The following BCAS3 variants were observed in gnomAD, a reference collection of about 807,000 sequenced individuals.
BCAS3 encodes BCAS4/BCAS3 fusion.
BCAS3 carries 53 observed loss-of-function variants against 116.1 expected under a neutral mutation model. The ratio of observed to expected loss-of-function variants is 0.46; its 90% confidence interval spans 0.37 to 0.57. The LOEUF (loss-of-function observed/expected upper bound fraction) is 0.57, where lower values mean the gene tolerates loss of function less well. BCAS3 is among the 20% of genes least tolerant of loss of function. The probability of loss-of-function intolerance (pLI) is 0.00; values close to 1 mark genes in which losing one functional copy is unlikely to be tolerated. For synonymous variants in BCAS3, 391 were observed against 408.2 expected, an observed-to-expected ratio of 0.96 and a Z score of 0.51; for missense variants, 917 against 1,165.4, an observed-to-expected ratio of 0.79 and a Z score of 3.10.
At chr17:60,843,692 G>T (rs1359229153) in intron 7 of BCAS3, among the ~76,000 whole-genome samples, 1 of 152,154 alleles carries the variant, frequency 6.6e-6, no homozygotes, top group East Asian at 1.9e-4. Flanking sequence ...AAGAAACAAG[G>T]ACTCCCAGGT....
intron 12 of BCAS3, among the ~76,000 whole-genome samples, chr17:60,918,691 ATT>A (rs1161722822): frequency 3.7e-4 from 47 of 127,730 alleles, no homozygotes; most frequent in African/African-American, 1.1e-3. Flanking sequence ...AAGCTTCTCA[ATT>A]TTTTTTTTTT....
intron 22 of BCAS3, among the ~76,000 whole-genome samples, chr17:61,193,698 T>G (rs542502060): frequency 2.3e-5 from 3 of 128,646 alleles, no homozygotes; most frequent in Admixed American, 1.9e-4. Flanking sequence ...TGGAGGTTGC[T>G]GTGAGCCGAG....
chr17:60,704,607 G>A (rs539509972), intron 4 of BCAS3, among the ~76,000 whole-genome samples: 1 of 151,976 alleles, frequency 6.6e-6, no homozygotes, highest in Non-Finnish European at 1.5e-5. Context: ...TTGGGGGGCC[G>A]AGGTGGGTGG....
rs570870063 is a variant in BCAS3, at chr17:61,142,160, T to TC, written c.2425+57596_2425+57597insC. ...ATGTACTGTATATACCTTATCTCAT[T>TC]AATCTTGTTGACAATCTGCTAGGTA... On this transcript the variant is annotated intron_variant, in intron 22 of 23. Transcript: ENST00000407086. Among the ~76,000 whole-genome samples, 483 of 152,320 alleles carry TC rather than the reference T, an allele frequency of 3.2e-3. 3 individuals carry two copies. Among genetic ancestry groups the TC allele is most frequent in the African/African-American group, 0.011 (466 of 41,566 alleles).
At chr17:61,121,875 G>A (rs187761771) in intron 22 of BCAS3, among the ~76,000 whole-genome samples, 69 of 152,176 alleles carry the variant, frequency 4.5e-4, no homozygotes, top group Admixed American at 9.8e-4. Context: ...GATTACAGGC[G>A]CCTGCCACCA....
In BCAS3 at chr17:61,251,967, A is replaced by C. The variant is rs908891775; in HGVS notation, c.2426-116360A>C. Among the ~76,000 whole-genome samples the C allele has an allele frequency of 4.2e-5, 6 of 144,006 alleles. No homozygotes were observed. The highest frequency in any genetic ancestry group is 6.8e-5 in the Admixed American group (1 of 14,730). 94.5% of individuals were successfully genotyped at this position (144,006 alleles called of 152,430 possible). On this transcript the variant is annotated intron_variant, in intron 22 of 23. Transcript: ENST00000407086. This position sits in a 1 kb window ranked among gnomAD's most constrained non-coding sequence, Gnocchi z 4.7. ...ACACGGGTGGCAGTTTAGAAGAAAA[A>C]GAGAGAAAAGGATAAAGAAAAAAAC...
intron 19 of BCAS3, among the ~76,000 whole-genome samples, chr17:61,074,232 A>T (rs984943733): frequency 6.6e-6 from 1 of 152,152 alleles, no homozygotes; most frequent in Non-Finnish European, 1.5e-5. Context: ...TTAAAAAAAA[A>T]AAGAAGAAAA....
intron 22 of BCAS3, among the ~76,000 whole-genome samples, chr17:61,170,269 G>A (rs1337314843): frequency 1.3e-5 from 2 of 151,056 alleles, no homozygotes; most frequent in African/African-American, 4.9e-5. Context: ...ATGATATGAT[G>A]TAATGGTTTT....
intron 6 of BCAS3, among the ~76,000 whole-genome samples, chr17:60,798,181 A>G (rs983232652): frequency 1.3e-5 from 2 of 152,232 alleles, no homozygotes; most frequent in African/African-American, 2.4e-5. Flanking sequence ...TATTCCCCAA[A>G]GTCCCTAATT....
intron 4 of BCAS3, among the ~76,000 whole-genome samples, chr17:60,702,604 C>A (rs1413690199): frequency 6.6e-6 from 1 of 151,068 alleles, no homozygotes; most frequent in Non-Finnish European, 1.5e-5. Flanking sequence ...TTTTTTTTTT[C>A]TTTGAGACAG....
intron 22 of BCAS3, among the ~76,000 whole-genome samples, chr17:61,264,301 T>C (rs1283845861): frequency 6.6e-6 from 1 of 152,082 alleles, no homozygotes; most frequent in Non-Finnish European, 1.5e-5. Flanking sequence ...CATTCAATAA[T>C]GTTTATTTCA....
chr17:60,761,361 C>A (rs2043510173), intron 6 of BCAS3, among the ~76,000 whole-genome samples: 1 of 152,074 alleles, frequency 6.6e-6, no homozygotes, highest in Non-Finnish European at 1.5e-5. Context: ...CTCCCGCCCC[C>A]ATGCCCCCAC....
chr17:61,213,637 A>G lies in BCAS3; in HGVS notation c.2425+129073A>G, dbSNP rs941687415. On this transcript the variant is annotated intron_variant, in intron 22 of 23. Transcript: ENST00000407086. The surrounding 1 kb of genome is among the most constrained non-coding windows in gnomAD (Gnocchi z 5.4). Reference sequence around the variant, plus strand: ...AGCTCTTCTCTCTTCCTGACCTATAACTGTCTTTAATGGTCTTATATTTGC... The same window carrying G: ...AGCTCTTCTCTCTTCCTGACCTATAGCTGTCTTTAATGGTCTTATATTTGC... 6.6e-6 allele frequency among the ~76,000 whole-genome samples: 1 copy of G among 151,974 alleles called. No individual in the cohort carries two copies. Among genetic ancestry groups the G allele is most frequent in the African/African-American group, 2.4e-5 (1 of 41,346 alleles).
At chr17:60,771,913 C>G (rs1598606346) in intron 6 of BCAS3, among the ~76,000 whole-genome samples, 1 of 152,162 alleles carries the variant, frequency 6.6e-6, no homozygotes, top group Admixed American at 6.5e-5. Context: ...GCATAGTATT[C>G]CATGGTATAT....
chr17:60,687,007 C>CA (rs2034152852), intron 3 of BCAS3, among the ~76,000 whole-genome samples: 1 of 151,944 alleles, frequency 6.6e-6, no homozygotes. Flanking sequence ...AAAATTATGG[C>CA]AATAGTACAC....
At chr17:60,878,176 A>AT (rs1286923345) in intron 9 of BCAS3, among the ~76,000 whole-genome samples, 1 of 151,850 alleles carries the variant, frequency 6.6e-6, no homozygotes, top group African/African-American at 2.4e-5. Flanking sequence ...CGCCCGGCTA[A>AT]TTTTTGTATT....
intron 22 of BCAS3, among the ~76,000 whole-genome samples, chr17:61,242,854 C>A (rs199622740): frequency 1.9e-4 from 27 of 139,202 alleles, no homozygotes; most frequent in Middle Eastern, 7.3e-3. Context: ...TAAAAAAAAA[C>A]AAAAAAACCC....
At chr17:61,071,118 G>C (rs1390598058) in intron 19 of BCAS3, among the ~76,000 whole-genome samples, 1 of 152,018 alleles carries the variant, frequency 6.6e-6, no homozygotes, top group African/African-American at 2.4e-5. Flanking sequence ...TGAAATTTGA[G>C]GTTATAGTGA....
chr17:61,170,480 G>C (rs916847088), intron 22 of BCAS3, among the ~76,000 whole-genome samples: 1 of 151,882 alleles, frequency 6.6e-6, no homozygotes, highest in African/African-American at 2.4e-5. Flanking sequence ...TTTTAGTAGA[G>C]ATGAGGTTTC....
Sources: allele counts gnomAD v4.1 joint callset (sites outside exome capture counted in the v4.1 genomes callset), GRCh38; gene constraint gnomAD v4.1.1; non-coding constraint Gnocchi (gnomAD v3.1); transcripts MANE v1.5; gene names NCBI Gene and HGNC (gene_info 2026-07-23, HGNC 2026-07-21).